The following ADGRA3 variants were observed in gnomAD, a reference collection of about 807,000 sequenced individuals.
ADGRA3 encodes the protein G-protein coupled receptor 125.
A neutral mutation model predicts 119.8 loss-of-function variants in ADGRA3; 56 were observed. The observed-to-expected ratio is 0.47, with a 90% CI of 0.38 to 0.58. The LOEUF is 0.58. Ranked by LOEUF, ADGRA3 falls within the 20% of genes least tolerant of loss-of-function variation. ADGRA3 has a pLI of 0.00. For synonymous variants in ADGRA3, 607 were observed against 623.8 expected, an observed-to-expected ratio of 0.97 and a Z score of 0.40; for missense variants, 1,516 against 1,649.0, an observed-to-expected ratio of 0.92 and a Z score of 1.40.
At position 22,388,440 on chromosome 4, in the gene ADGRA3, G is replaced by T. The variant is rs1429720899; in HGVS notation, c.3231C>A (p.Pro1077=). 6.2e-7 allele frequency: 1 copy of T among 1,613,896 alleles called. No individual in the cohort carries two copies. The highest frequency in any genetic ancestry group is 8.5e-7 in the Non-Finnish European group (1 of 1,180,006). The change falls in exon 19 of 19, where the codon CCC becomes CCA. Residue 1077 remains proline, a synonymous_variant. Transcript: ENST00000334304. The part of the protein sequence containing the change: ...SYSVQVNVQP[P]NSNGTNGEAP... ...CCTCTCCATTCGTCCCATTAGAGTT[G>T]GGGGGCTGGACGTTGACTTGCACTG... is the stretch of plus-strand genomic sequence containing the variant.
intron 4 of ADGRA3, among the ~76,000 whole-genome samples, chr4:22,453,839 CTTCT>C (rs953493370): frequency 1.3e-5 from 2 of 151,962 alleles, no homozygotes; most frequent in African/African-American, 2.4e-5. Context: ...CCAAACAAAA[CTTCT>C]TTATTACTTT....
intron 7 of ADGRA3, among the ~76,000 whole-genome samples, chr4:22,439,495 AT>A (rs1206746517): frequency 6.6e-6 from 1 of 152,216 alleles, no homozygotes; most frequent in East Asian, 1.9e-4. Flanking sequence ...AGTATGTATC[AT>A]TTTAATTAAC....
intron 12 of ADGRA3, among the ~76,000 whole-genome samples, chr4:22,416,650 G>A (rs1321936133): frequency 6.6e-6 from 1 of 152,088 alleles, no homozygotes; most frequent in Non-Finnish European, 1.5e-5. Context: ...GGGGACTGGG[G>A]GAGAGGAAAT....
At chr4:22,462,474 C>T (rs1014735675) in intron 2 of ADGRA3, among the ~76,000 whole-genome samples, 3 of 152,008 alleles carry the variant, frequency 2.0e-5, no homozygotes, top group African/African-American at 7.3e-5. Context: ...TCACCATACC[C>T]GGCTAATTTT....
rs1320585612 is a variant in ADGRA3, at chr4:22,515,774, G to C, written c.11C>G (p.Pro4Arg). 2 of 1,015,726 alleles carry C rather than the reference G, an allele frequency of 2.0e-6. No individual in the cohort carries two copies. Among genetic ancestry groups the C allele is most frequent in the South Asian group, 4.3e-5 (1 of 23,430 alleles). The allele number at this position is 1,015,726 out of a possible 1,614,324, so 62.9% of individuals were successfully genotyped here. A position where few individuals can be genotyped will look rare whatever the true frequency, so the allele number is the denominator to read the frequency against. Residue 4 changes from proline to arginine, a missense_variant, in exon 1 of 19, where the codon CCC (proline) becomes CGC (arginine). Physicochemically the swap from Pro to Arg is moderately radical, Grantham distance 103. Coordinates refer to ENST00000334304, the MANE Select transcript of ADGRA3 (RefSeq NM_145290.4). The part of the protein sequence containing the change: MEP[P>R]GRRRGRAQPP... ...CTGCGCGCGGCCCCGCCGGCGTCCG[G>C]GTGGCTCCATGCTGCGGGCCGGGGC...
At position 22,421,121 on chromosome 4, in the gene ADGRA3, C is replaced by T. The variant is rs534638640; in HGVS notation, c.1606-32G>A. 98 of 1,561,624 alleles carry T rather than the reference C, an allele frequency of 6.3e-5. No homozygotes were observed. The South Asian group carries it at 9.2e-4, about 15-fold the overall frequency. On this transcript the variant is annotated intron_variant, in intron 11 of 18. Coordinates refer to ENST00000334304, the MANE Select transcript of ADGRA3 (RefSeq NM_145290.4). ...AAGTCAATCAAACAGGAGTTATGAACGATTTATAGCACAAAGGAAAAGCAC... is the reference window on the plus strand; with the variant it reads ...AAGTCAATCAAACAGGAGTTATGAATGATTTATAGCACAAAGGAAAAGCAC...
chr4:22,491,309 C>A (rs1718615389), intron 1 of ADGRA3, among the ~76,000 whole-genome samples: 1 of 152,168 alleles, frequency 6.6e-6, no homozygotes, highest in Non-Finnish European at 1.5e-5. Context: ...GAGGCAAGAT[C>A]CATAATATGA....
intron 1 of ADGRA3, among the ~76,000 whole-genome samples, chr4:22,502,975 A>G (rs1250454433): frequency 4.0e-5 from 6 of 151,758 alleles, no homozygotes; most frequent in African/African-American, 1.5e-4. Flanking sequence ...GCTAGACTCT[A>G]GGGATGCAGA....
intron 16 of ADGRA3, chr4:22,398,140 T>G: frequency 2.0e-6 from 2 of 982,826 alleles, no homozygotes; most frequent in Non-Finnish European, 2.4e-6. Context: ...AGTAACAGCC[T>G]AAAACAAAAA....
chr4:22,446,739 G>A (rs1716846180), intron 5 of ADGRA3, among the ~76,000 whole-genome samples: 1 of 152,112 alleles, frequency 6.6e-6, no homozygotes, highest in Non-Finnish European at 1.5e-5. Flanking sequence ...CTGGAAGAAA[G>A]ACACTCAATC....
chr4:22,475,783 G>C (rs1198406257), intron 1 of ADGRA3, among the ~76,000 whole-genome samples: 1 of 151,942 alleles, frequency 6.6e-6, no homozygotes, highest in Non-Finnish European at 1.5e-5. Flanking sequence ...TTCGAGGAAA[G>C]GGTGGGATGC....
intron 1 of ADGRA3, among the ~76,000 whole-genome samples, chr4:22,483,239 ACTCTGGCATGTGCTTCC>A (rs1174790137): frequency 2.0e-5 from 3 of 151,860 alleles, no homozygotes; most frequent in African/African-American, 4.8e-5. Flanking sequence ...TCCTAGCTCC[ACTCTGGCATGTGCTTCC>A]CTCTGGCATG....
chr4:22,441,157 C>T (rs1481582186), intron 7 of ADGRA3, among the ~76,000 whole-genome samples: 1 of 152,058 alleles, frequency 6.6e-6, no homozygotes, highest in Admixed American at 6.6e-5. Context: ...AACTCACAAT[C>T]TTATTGGCTT....
At chr4:22,476,996 A>C (rs1718072021) in intron 1 of ADGRA3, among the ~76,000 whole-genome samples, 1 of 151,894 alleles carries the variant, frequency 6.6e-6, no homozygotes, top group South Asian at 2.1e-4. Flanking sequence ...ATAATCCTGC[A>C]ATATCTTTCG....
At position 22,435,421 on chromosome 4, in the gene ADGRA3, G is replaced by A; in HGVS notation, c.1333C>T (p.Leu445=). ...TNAVATARQL[L]AYTVEAANFS... ...TTGGCTGCTTCCACAGTGTAAGCCAGTAACTGTCGAGCTGTTGCCACGGCA... is the reference window on the plus strand; with the variant it reads ...TTGGCTGCTTCCACAGTGTAAGCCAATAACTGTCGAGCTGTTGCCACGGCA... The change falls in exon 10 of 19, where the codon CTG becomes TTG. Residue 445 remains leucine, a synonymous_variant. Transcript: ENST00000334304. 1 of 1,609,352 alleles carries A rather than the reference G, an allele frequency of 6.2e-7. No homozygotes were observed. The highest frequency in any genetic ancestry group is 8.5e-7 in the Non-Finnish European group (1 of 1,176,600).
At chr4:22,414,360 T>C (rs1260282065) in intron 12 of ADGRA3, 1 of 382,690 alleles carries the variant, frequency 2.6e-6, no homozygotes, top group Non-Finnish European at 4.6e-6. Flanking sequence ...GAAACACATT[T>C]AGAAAAAAAA....
In ADGRA3 at chr4:22,387,676, T is replaced by C. The variant is rs776545411; in HGVS notation, c.*29A>G. 3.2e-6 allele frequency: 5 copies of C among 1,566,150 alleles called. No homozygotes were observed. The highest frequency in any genetic ancestry group is 3.7e-5 in the Admixed American group (2 of 53,722). On this transcript the variant is annotated 3_prime_UTR_variant, in exon 19 of 19. Transcript: ENST00000334304. ...AGGAATGTGAGTATCACAGTTTATA[T>C]GAATTTCTGCCTAGGAAGCCCAGCA...
At chr4:22,429,087 G>T (rs1347108140) in intron 10 of ADGRA3, among the ~76,000 whole-genome samples, 1 of 152,046 alleles carries the variant, frequency 6.6e-6, no homozygotes, top group Non-Finnish European at 1.5e-5. Flanking sequence ...TCTCATGCTT[G>T]ATCCTCATAA....
intron 3 of ADGRA3, 135 bp from the exon 4 acceptor site, chr4:22,455,072 C>T (rs182941118): frequency 3.1e-5 from 20 of 649,018 alleles, no homozygotes; most frequent in Non-Finnish European, 3.6e-5. Context: ...ATTTACTGTA[C>T]GCAAATGAGA....
Sources: gnomAD v4.1 joint callset for allele counts (sites outside exome capture counted in the v4.1 genomes callset) on GRCh38, gnomAD v4.1.1 for gene constraint, MANE v1.5 for transcripts, NCBI Gene and HGNC (gene_info 2026-07-23, HGNC 2026-07-21) for gene names.